The following KDM4C variants were observed in gnomAD, a reference collection of about 807,000 sequenced individuals.
KDM4C encodes lysine-specific demethylase 4C.
A neutral mutation model predicts 129.3 loss-of-function variants in KDM4C; 81 were observed. That is an observed-to-expected ratio of 0.63 (90% confidence interval 0.52 to 0.75). The LOEUF is 0.75. KDM4C is among the 30% of genes least tolerant of loss of function. KDM4C has a pLI of 0.00. For synonymous variants in KDM4C, 573 were observed against 456.1 expected (o/e 1.26, Z -3.26); for missense variants, 1,457 against 1,304.0 (o/e 1.12, Z -1.81).
intron 5 of KDM4C, among the ~76,000 whole-genome samples, chr9:6,873,260 A>C (rs368252830): frequency 2.6e-5 from 4 of 152,244 alleles, no homozygotes; most frequent in South Asian, 4.1e-4. Flanking sequence ...GCCTGGGATT[A>C]CAGGTGTGCT....
chr9:7,103,150 G>A (rs1203253483), intron 17 of KDM4C, among the ~76,000 whole-genome samples: 1 of 152,094 alleles, frequency 6.6e-6, no homozygotes, highest in Non-Finnish European at 1.5e-5. Context: ...ATTATTAAAC[G>A]CTAGTTTCCA....
intron 17 of KDM4C, among the ~76,000 whole-genome samples, chr9:7,089,868 A>C (rs1314614929): frequency 6.6e-6 from 1 of 152,214 alleles, no homozygotes; most frequent in Non-Finnish European, 1.5e-5. Flanking sequence ...TGCTAGAGTC[A>C]TGAGAGGTCA....
At chr9:6,996,934 A>C (rs7847191) in intron 12 of KDM4C, among the ~76,000 whole-genome samples, 55,647 of 152,086 alleles carry the variant, frequency 0.37, 11,360 homozygotes, top group Non-Finnish European at 0.46. Flanking sequence ...CTAGGTATAA[A>C]ACAACTAGAA....
At chr9:7,170,540 A>G in intron 21 of KDM4C, 1 of 963,344 alleles carries the variant, frequency 1.0e-6, no homozygotes, top group Non-Finnish European at 1.2e-6. Context: ...ATTGAAAAAT[A>G]TAATTCACAA....
intron 19 of KDM4C, among the ~76,000 whole-genome samples, chr9:7,163,190 C>T (rs377319463): frequency 6.6e-6 from 1 of 152,032 alleles, no homozygotes; most frequent in East Asian, 1.9e-4. Context: ...ACCCTTAGTA[C>T]CTCAGCATGC....
intron 8 of KDM4C, among the ~76,000 whole-genome samples, chr9:6,943,525 G>T (rs138118010): frequency 1.3e-5 from 2 of 151,890 alleles, no homozygotes; most frequent in Non-Finnish European, 2.9e-5. Context: ...CCTGGGTAAC[G>T]TTAGCTGAGC....
intron 19 of KDM4C, among the ~76,000 whole-genome samples, chr9:7,137,092 C>T (rs556145145): frequency 6.6e-6 from 1 of 152,312 alleles, no homozygotes; most frequent in Non-Finnish European, 1.5e-5. Context: ...ACCACTGGTT[C>T]AGGTGAAGTC....
At chr9:6,777,565 T>C (rs1563981832) in intron 1 of KDM4C, among the ~76,000 whole-genome samples, 5 of 152,232 alleles carry the variant, frequency 3.3e-5, no homozygotes. Flanking sequence ...TTTGAGATTG[T>C]TCCCTTTACC....
At chr9:6,867,638 C>G (rs1462860072) in intron 5 of KDM4C, among the ~76,000 whole-genome samples, 1 of 152,186 alleles carries the variant, frequency 6.6e-6, no homozygotes, top group African/African-American at 2.4e-5. Context: ...GATGCTGTTA[C>G]AAAACATTGC....
At chr9:6,981,954 A>G (rs759419259) in intron 9 of KDM4C, 13 of 170,462 alleles carry the variant, frequency 7.6e-5, no homozygotes, top group South Asian at 1.7e-4. Flanking sequence ...CAGTATTAAC[A>G]TTTTGTATAT....
chr9:6,822,822 T>TATA (rs1833257982), intron 4 of KDM4C, among the ~76,000 whole-genome samples: 1 of 152,214 alleles, frequency 6.6e-6, no homozygotes, highest in Non-Finnish European at 1.5e-5. Flanking sequence ...AGACAGAAGG[T>TATA]ATAACATTGC....
chr9:7,165,433 T>G, intron 20 of KDM4C, 76 bp downstream of exon 20: 1 of 1,500,456 alleles, frequency 6.7e-7, no homozygotes, highest in Non-Finnish European at 9.1e-7. Flanking sequence ...TCAAGTGTGC[T>G]GCTGAACAAT....
chr9:6,892,009 A>G (rs999849675), intron 7 of KDM4C, among the ~76,000 whole-genome samples: 2 of 152,228 alleles, frequency 1.3e-5, no homozygotes, highest in Non-Finnish European at 2.9e-5. Context: ...GATAATTAAA[A>G]ATGTGGTTTT....
At chr9:7,079,723 A>G (rs1347858650) in intron 17 of KDM4C, among the ~76,000 whole-genome samples, 1 of 152,224 alleles carries the variant, frequency 6.6e-6, no homozygotes, top group Non-Finnish European at 1.5e-5. Context: ...TGTGTTTTGT[A>G]ATACTTTATA....
chr9:6,857,071 C>A (rs1306872336), intron 5 of KDM4C, among the ~76,000 whole-genome samples: 3 of 152,118 alleles, frequency 2.0e-5, no homozygotes, highest in Non-Finnish European at 4.4e-5. Context: ...CCTTCCTAGG[C>A]TGGTTTTACA....
At chr9:7,035,820 C>G (rs13362912) in intron 15 of KDM4C, among the ~76,000 whole-genome samples, 5,180 of 152,146 alleles carry the variant, frequency 0.034, 295 homozygotes, top group African/African-American at 0.12. Context: ...TTTCTGGGCT[C>G]TCTATTCTGT....
At chr9:7,111,147 A>G (rs183063760) in intron 18 of KDM4C, among the ~76,000 whole-genome samples, 47 of 152,210 alleles carry the variant, frequency 3.1e-4, no homozygotes, top group Middle Eastern at 3.4e-3. Context: ...GGTGGGAAAC[A>G]TTTATTTAAT....
chr9:7,174,484 A>C, intron 21 of KDM4C, 69 bp from the exon 22 acceptor site: 1 of 1,473,156 alleles, frequency 6.8e-7, no homozygotes, highest in African/African-American at 1.4e-5. Context: ...TGACCGAGTC[A>C]GATCTTTGTC....
At chr9:6,967,493 A>C (rs1314685080) in intron 8 of KDM4C, among the ~76,000 whole-genome samples, 2 of 152,100 alleles carry the variant, frequency 1.3e-5, no homozygotes, top group Admixed American at 6.5e-5. Flanking sequence ...CGTTCACAGA[A>C]AGACTTGCAC....
Sources: allele counts gnomAD v4.1 joint callset (sites outside exome capture counted in the v4.1 genomes callset), GRCh38; gene constraint gnomAD v4.1.1; transcripts MANE v1.5; gene names NCBI Gene and HGNC (gene_info 2026-07-23, HGNC 2026-07-21).